Variants in MS4A14 observed in about 807,000 individuals in gnomAD.
MS4A14 encodes the protein membrane-spanning 4-domains subfamily A member 14.
A neutral mutation model predicts 16.7 loss-of-function variants in MS4A14; 18 were observed. The ratio of observed to expected loss-of-function variants is 1.08; its 90% CI spans 0.75 to 1.60. The LOEUF (loss-of-function observed/expected upper bound fraction) is 1.60. Ranked by LOEUF, MS4A14 falls within the 40% of genes most tolerant of loss-of-function variation. The pLI is 0.00. For synonymous variants in MS4A14, 305 were observed against 289.4 expected (o/e 1.05, Z -0.55); for missense variants, 812 against 775.3 (o/e 1.05, Z -0.56).
rs186941567 is a variant in MS4A14 at position 60,403,299 on chromosome 11, C to T, written c.468+238C>T. The stretch of plus-strand genomic sequence containing the variant: ...CTAATATTGTATTCTCTCTAAGCTT[C>T]GGTTTTCCTCAAGTGGAAAATGAAC... On this transcript the variant is annotated intron_variant, in intron 4 of 4. Coordinates refer to ENST00000300187, the MANE Select transcript of MS4A14 (RefSeq NM_032597.5). 1.7e-3 allele frequency: 812 copies of T among 477,456 alleles called. 2 individuals are homozygous for T. The highest frequency in any genetic ancestry group is 2.6e-3 in the Non-Finnish European group (678 of 262,156). The allele number at this position is 477,456 out of a possible 1,614,324, so 29.6% of individuals were successfully genotyped here.
intron 4 of MS4A14, chr11:60,406,056 ATGATGTCT>A (rs1317678295): frequency 2.4e-5 from 22 of 923,134 alleles, no homozygotes; most frequent in Non-Finnish European, 3.2e-5. Context: ...ACTGCACACA[ATGATGTCT>A]GATTTATTAG....
At chr11:60,409,579 T>TTA (rs148216317) in intron 4 of MS4A14, among the ~76,000 whole-genome samples, 8,231 of 148,068 alleles carry the variant, frequency 0.056, 315 homozygotes, top group East Asian at 0.13. Context: ...AATGTATATT[T>TTA]TATATATATA....
chr11:60,416,343 G>T lies in MS4A14; in HGVS notation c.1375G>T (p.Asp459Tyr), dbSNP rs1468824967. 6.2e-7 allele frequency: 1 copy of T among 1,613,818 alleles called. No homozygotes were observed. The highest frequency in any genetic ancestry group is 8.5e-7 in the Non-Finnish European group (1 of 1,179,948). ...GCAAATTTTACAAATGTCATATCAA[G>T]ATATTAGATCAGAAGTTATGGAAGA... ...NQQILQMSYQDIRSEVMEETK... is the reference protein window; with the variant it reads ...NQQILQMSYQYIRSEVMEETK... Residue 459 changes from aspartate (D) to tyrosine (Y), a missense_variant, in exon 5 of 5, where the codon GAT becomes TAT. Physicochemically the swap from Asp to Tyr is radical, Grantham distance 160. Coordinates refer to ENST00000300187, the MANE Select transcript of MS4A14 (RefSeq NM_032597.5).
rs374231647 is a variant in MS4A14, at chr11:60,400,403, G to A, written c.268-1G>A. On this transcript the variant is annotated splice_acceptor_variant, in intron 2 of 4. Coordinates refer to ENST00000300187, the MANE Select transcript of MS4A14 (RefSeq NM_032597.5). LOFTEE classifies it high-confidence loss of function. The stretch of plus-strand genomic sequence containing the variant: ...ACTTTTGTCTCTTGTCTTCTTAACA[G>A]TTTATTCTTACAGGATACCTCACAG... 48 of 1,598,848 alleles carry A rather than the reference G, an allele frequency of 3.0e-5. No homozygotes were observed. In the Middle Eastern group the frequency reaches 8.3e-4, roughly 28 times the overall value.
At chr11:60,404,935 T>A (rs1271221870) in intron 4 of MS4A14, among the ~76,000 whole-genome samples, 1 of 152,220 alleles carries the variant, frequency 6.6e-6, no homozygotes, top group Non-Finnish European at 1.5e-5. Flanking sequence ...ATGGAGAAAG[T>A]CAGTAAATTG....
intron 4 of MS4A14, among the ~76,000 whole-genome samples, chr11:60,408,887 T>TC (rs1397860249): frequency 6.6e-6 from 1 of 152,218 alleles, no homozygotes; most frequent in Non-Finnish European, 1.5e-5. Context: ...AAATTGTTTT[T>TC]CACCTTCGTT....
Position 60,415,949 on chromosome 11 carries a change from A to G in MS4A14, c.981A>G (p.Val327=), listed in dbSNP as rs1465373993. Residue 327 remains valine, a synonymous_variant, in exon 5 of 5, where the codon GTA becomes GTG. Coordinates refer to ENST00000300187, the MANE Select transcript of MS4A14 (RefSeq NM_032597.5). ...PEDLPSQALP[V]EGLSEQTMPS... is the part of the protein sequence containing the mutation. ...ACTTGCCATCCCAAGCTCTACCAGT[A>G]GAAGGCCTGTCAGAACAAACCATGC... 4 of 1,613,808 alleles carry G rather than the reference A, an allele frequency of 2.5e-6. No homozygotes were observed. In the East Asian group the frequency reaches 6.7e-5, roughly 27 times the overall value.
At chr11:60,402,492 A>G (rs2085729118) in intron 3 of MS4A14, among the ~76,000 whole-genome samples, 1 of 152,188 alleles carries the variant, frequency 6.6e-6, no homozygotes, top group East Asian at 1.9e-4. Context: ...GTTAGGTGAC[A>G]CATTCACATT....
chr11:60,412,454 G>A (rs184523706), intron 4 of MS4A14, among the ~76,000 whole-genome samples: 2 of 151,826 alleles, frequency 1.3e-5, no homozygotes, highest in East Asian at 3.9e-4. Context: ...AATCATTTTA[G>A]GTAATTTGTG....
intron 4 of MS4A14, among the ~76,000 whole-genome samples, chr11:60,405,371 G>T (rs567133191): frequency 2.6e-5 from 4 of 152,126 alleles, no homozygotes; most frequent in African/African-American, 7.2e-5. Flanking sequence ...GAGCCACCGC[G>T]CCCGGCCAAC....
chr11:60,415,794 G>C lies in MS4A14; in HGVS notation c.826G>C (p.Asp276His), dbSNP rs1339543249. The change falls in exon 5 of 5, where the codon GAT (aspartate) becomes CAT (histidine). Residue 276 changes from aspartate (D) to histidine (H), a missense_variant. Coordinates refer to ENST00000300187, the MANE Select transcript of MS4A14 (RefSeq NM_032597.5). ...AGACTCTACATTTAAACAAATGAAA[G>C]ATGAAGATCTACAATCTGCTATTGT... ...QLDSTFKQMK[D>H]EDLQSAIVQP... 1 of 1,613,796 alleles carries C rather than the reference G, an allele frequency of 6.2e-7. No homozygotes were observed. Among genetic ancestry groups the C allele is most frequent in the Admixed American group, 1.7e-5 (1 of 59,942 alleles).
At chr11:60,406,020 G>T in intron 4 of MS4A14, 1 of 1,343,814 alleles carries the variant, frequency 7.4e-7, no homozygotes, top group South Asian at 1.5e-5. Context: ...ATTATTAAGA[G>T]AACAGGTTCC....
rs1284059711 is a variant in MS4A14 at position 60,415,558 on chromosome 11, C to T, written c.590C>T (p.Ala197Val). 6.2e-6 allele frequency: 10 copies of T among 1,613,668 alleles called. No individual in the cohort carries two copies. The South Asian group carries it at 9.9e-5, about 16-fold the overall frequency. Residue 197 changes from alanine to valine, a missense_variant, in exon 5 of 5, where the codon GCA (alanine) becomes GTA (valine). By Grantham distance (64) the Ala-to-Val change is moderately conservative. Coordinates refer to ENST00000300187, the MANE Select transcript of MS4A14 (RefSeq NM_032597.5). ...TCCAGTGATGATTCAACAACAAATG[C>T]ACAATCTGTTATCTTTGGAGGCTAT... is the stretch of plus-strand genomic sequence containing the variant. ...EFSSDDSTTN[A>V]QSVIFGGYAF...
At position 60,415,716 on chromosome 11, in the gene MS4A14, C is replaced by A. The variant is rs117801657; in HGVS notation, c.748C>A (p.Pro250Thr). Residue 250 changes from proline to threonine, a missense_variant, in exon 5 of 5, where the codon CCT becomes ACT. Transcript: ENST00000300187. ...CAAATTTTCAGAGGAAGAAATTGAA[C>A]CTTTGCCTCCCACACTAGAGAAAAA... ...SPKFSEEEIE[P>T]LPPTLEKKPS... 1.2e-5 allele frequency: 19 copies of A among 1,613,678 alleles called. No individual in the cohort carries two copies. The highest frequency in any genetic ancestry group is 1.5e-5 in the Non-Finnish European group (18 of 1,179,864).
At chr11:60,403,246 C>G in intron 4 of MS4A14, 185 bp downstream of exon 4, 1 of 608,752 alleles carries the variant, frequency 1.6e-6, no homozygotes, top group Non-Finnish European at 2.9e-6. Context: ...GGACTTGAAT[C>G]CTGTTCACAC....
At position 60,416,439 on chromosome 11, in the gene MS4A14, C is replaced by T. The variant is rs765512151; in HGVS notation, c.1471C>T (p.Gln491Ter). The T allele has an allele frequency of 2.5e-6, 4 of 1,613,942 alleles. No individual in the cohort carries two copies. In the East Asian group the frequency reaches 8.9e-5, roughly 36 times the overall value. ...CTCAAGACGGCATTCCTTAAACCAGCAAACCAAAGCCTTGCAATACTTAAG... is the reference window on the plus strand; with the variant it reads ...CTCAAGACGGCATTCCTTAAACCAGTAAACCAAAGCCTTGCAATACTTAAG... Reference protein sequence around the residue: ...KSSRRHSLNQQTKALQYLRRH... With the variant: ...KSSRRHSLNQ Residue 491 changes from glutamine to a stop codon, truncating the protein, a stop_gained, in exon 5 of 5, where the codon CAA (glutamine) becomes TAA (stop). Coordinates refer to ENST00000300187, the MANE Select transcript of MS4A14 (RefSeq NM_032597.5). LOFTEE classifies it low-confidence loss of function (END_TRUNC).
chr11:60,412,606 T>A (rs1384829983), intron 4 of MS4A14, among the ~76,000 whole-genome samples: 1 of 151,914 alleles, frequency 6.6e-6, no homozygotes, highest in African/African-American at 2.4e-5. Flanking sequence ...TTGTTTTAAT[T>A]GTTTTATTGT....
chr11:60,415,610 G>A lies in MS4A14; in HGVS notation c.642G>A (p.Arg214=), dbSNP rs2135154740. ...GYAFFKLTLS[R]SPLVSQPGNK... ...CTTTCTTCAAGTTAACACTCTCTAG[G>A]AGTCCTTTAGTCTCCCAACCAGGTA... The change falls in exon 5 of 5, where the codon AGG becomes AGA. Residue 214 remains arginine, a synonymous_variant. Transcript: ENST00000300187. 6.2e-7 allele frequency: 1 copy of A among 1,613,740 alleles called. No individual in the cohort carries two copies. Among genetic ancestry groups the A allele is most frequent in the East Asian group, 2.2e-5 (1 of 44,866 alleles).
At chr11:60,407,431 G>A (rs371226491) in intron 4 of MS4A14, among the ~76,000 whole-genome samples, 8 of 152,106 alleles carry the variant, frequency 5.3e-5, no homozygotes, top group African/African-American at 1.9e-4. Context: ...CACTTCTCCT[G>A]GAGTGTTGCA....
Sources: allele counts gnomAD v4.1 joint callset (sites outside exome capture counted in the v4.1 genomes callset), GRCh38; gene constraint gnomAD v4.1.1; transcripts MANE v1.5; gene names NCBI Gene and HGNC (gene_info 2026-07-23, HGNC 2026-07-21).